The following DLC1 variants were observed in gnomAD, a reference collection of about 807,000 sequenced individuals.
The protein encoded by DLC1 is rho GTPase-activating protein 7.
A neutral mutation model predicts 140.3 loss-of-function variants in DLC1; 54 were observed. That is an observed-to-expected ratio of 0.38 (90% CI 0.31 to 0.48). The LOEUF (loss-of-function observed/expected upper bound fraction) is 0.48. Among genes scored for constraint, DLC1 ranks in the 20% least tolerant of loss-of-function variants. DLC1 has a pLI of 0.96. For synonymous variants in DLC1, 986 were observed against 728.1 expected (o/e 1.35, Z -5.70); for missense variants, 2,536 against 1,907.0 (o/e 1.33, Z -6.14).
Position 13,328,097 on chromosome 8 carries a change from G to A in DLC1, c.1315-22795C>T, listed in dbSNP as rs116509996. Among the ~76,000 whole-genome samples the A allele has an allele frequency of 4.5e-3, 689 of 152,206 alleles. 3 individuals carry two copies. The highest frequency in any genetic ancestry group is 0.016 in the African/African-American group (663 of 41,536). ...GAGCACAAGATGATGCTGCTGAGGC[G>A]GTCACTAGATCATGCAAGCCCTTGT... is the stretch of plus-strand genomic sequence containing the variant. On this transcript the variant is annotated intron_variant, in intron 4 of 17. Transcript: ENST00000276297.
chr8:13,306,619 G>A (rs1458466182), intron 4 of DLC1, among the ~76,000 whole-genome samples: 1 of 151,602 alleles, frequency 6.6e-6, no homozygotes, highest in African/African-American at 2.4e-5. Context: ...GTGCAGCTCT[G>A]TTGTGGATCA....
intron 4 of DLC1, 104 bp from the exon 5 acceptor site, chr8:13,305,406 A>C (rs1335780852): frequency 1.7e-6 from 2 of 1,208,414 alleles, no homozygotes; most frequent in Non-Finnish European, 2.3e-6. Flanking sequence ...AATTAAATAG[A>C]GAATGCCAAT....
intron 4 of DLC1, among the ~76,000 whole-genome samples, chr8:13,335,915 A>G (rs1268741404): frequency 6.6e-6 from 1 of 151,028 alleles, no homozygotes; most frequent in Non-Finnish European, 1.5e-5. Flanking sequence ...ATTTTTTTGC[A>G]AGGAATAAGT....
chr8:13,231,034 G>A (rs1829024060), intron 5 of DLC1, among the ~76,000 whole-genome samples: 1 of 152,074 alleles, frequency 6.6e-6, no homozygotes, highest in African/African-American at 2.4e-5. Context: ...ACACCTGTAT[G>A]GCTAGCTGGG....
At chr8:13,107,888 T>C (rs1340706681) in intron 7 of DLC1, among the ~76,000 whole-genome samples, 16 of 151,748 alleles carry the variant, frequency 1.1e-4, no homozygotes, top group Admixed American at 1.1e-3. Context: ...ACTAAAAAAA[T>C]ACAAAAAATT....
intron 4 of DLC1, chr8:13,342,320 A>G (rs559936975): frequency 7.9e-5 from 12 of 152,354 alleles, no homozygotes; most frequent in Admixed American, 7.2e-4. Context: ...AATTATCTAT[A>G]TGATTAGAAT....
intron 1 of DLC1, among the ~76,000 whole-genome samples, chr8:13,501,623 G>C (rs1341889162): frequency 6.6e-6 from 1 of 152,122 alleles, no homozygotes; most frequent in Admixed American, 6.6e-5. Context: ...ATGCCTGAGA[G>C]GTAAATATTT....
chr8:13,525,378 A>G (rs113148180), intron 1 of DLC1, among the ~76,000 whole-genome samples: 74 of 152,292 alleles, frequency 4.9e-4, no homozygotes, highest in African/African-American at 1.6e-3. Flanking sequence ...TGGTAGGACC[A>G]TTTGGTAGCC....
intron 2 of DLC1, among the ~76,000 whole-genome samples, chr8:13,457,676 CAAAAAAAA>C (rs34916262): frequency 7.5e-4 from 41 of 54,876 alleles, no homozygotes; most frequent in Admixed American, 4.4e-3. Context: ...GACTCCATCT[CAAAAAAAA>C]AAAAAAAAAA....
chr8:13,506,581 G>GTATATATATATATA (rs36209609), intron 1 of DLC1, among the ~76,000 whole-genome samples: 7 of 131,100 alleles, frequency 5.3e-5, no homozygotes, highest in African/African-American at 1.9e-4. Flanking sequence ...GTGTGTGTGT[G>GTATATATATATATA]TATATATATA....
intron 5 of DLC1, among the ~76,000 whole-genome samples, chr8:13,190,752 A>G (rs1826702889): frequency 6.6e-6 from 1 of 152,076 alleles, no homozygotes; most frequent in Non-Finnish European, 1.5e-5. Context: ...TGGGCCCGAG[A>G]GGTGAGTGGA....
intron 1 of DLC1, among the ~76,000 whole-genome samples, chr8:13,546,728 G>T (rs1232895092): frequency 6.6e-6 from 1 of 152,110 alleles, no homozygotes; most frequent in Non-Finnish European, 1.5e-5. Flanking sequence ...CTTGCAACAA[G>T]CTCAATGTCT....
chr8:13,139,612 T>A (rs1267023197), intron 5 of DLC1, among the ~76,000 whole-genome samples: 2 of 152,204 alleles, frequency 1.3e-5, no homozygotes, highest in East Asian at 3.9e-4. Context: ...CAGCATGCTT[T>A]CCTGAGATAC....
chr8:13,323,948 G>A (rs572594629), intron 4 of DLC1, among the ~76,000 whole-genome samples: 2 of 152,288 alleles, frequency 1.3e-5, no homozygotes, highest in South Asian at 2.1e-4. Flanking sequence ...AGTGGTTTAC[G>A]AATTACGTGA....
chr8:13,350,388 C>T (rs1834591439), intron 4 of DLC1, among the ~76,000 whole-genome samples: 1 of 151,876 alleles, frequency 6.6e-6, no homozygotes. Flanking sequence ...AGACTATAAG[C>T]TCCTTATGTG....
At chr8:13,555,988 T>C (rs1163716112) in intron 1 of DLC1, among the ~76,000 whole-genome samples, 3 of 151,960 alleles carry the variant, frequency 2.0e-5, no homozygotes, top group Non-Finnish European at 4.4e-5. Context: ...GTAATTGGAG[T>C]TCTAGATGGC....
chr8:13,337,638 C>T (rs966405588), intron 4 of DLC1, among the ~76,000 whole-genome samples: 14 of 152,068 alleles, frequency 9.2e-5, no homozygotes, highest in African/African-American at 1.2e-4. Context: ...GGAAAGACAA[C>T]TTATAAGAAA....
chr8:13,153,295 G>A (rs1020630234), intron 5 of DLC1, among the ~76,000 whole-genome samples: 20 of 152,116 alleles, frequency 1.3e-4, no homozygotes, highest in Non-Finnish European at 2.2e-4. Context: ...AAGGTGGCGC[G>A]TCTGGAGTTG....
At chr8:13,559,489 C>T (rs1054466783) in intron 1 of DLC1, 1 of 152,152 alleles carries the variant, frequency 6.6e-6, no homozygotes, top group African/African-American at 2.4e-5. Flanking sequence ...ACTTTGAACA[C>T]TTTAATAACA....
Sources: allele counts gnomAD v4.1 joint callset (sites outside exome capture counted in the v4.1 genomes callset), GRCh38; gene constraint gnomAD v4.1.1; transcripts MANE v1.5; gene names NCBI Gene and HGNC (gene_info 2026-07-23, HGNC 2026-07-21).